The following XYLT1 variants were observed in gnomAD, a reference collection of about 807,000 sequenced individuals.
XYLT1 encodes the protein xylosyltransferase 1.
Under a neutral mutation model 91.3 loss-of-function variants are expected in XYLT1, and 36 were observed. That is an observed-to-expected ratio of 0.39 (90% CI 0.30 to 0.52). The LOEUF (loss-of-function observed/expected upper bound fraction) is 0.52. Ranked by LOEUF, XYLT1 falls within the 20% of genes least tolerant of loss-of-function variation. The pLI is 0.68. For missense variants in XYLT1, 1,242 were observed against 1,284.5 expected (o/e 0.97, Z 0.51); for synonymous variants, 588 against 532.0 (o/e 1.11, Z -1.45).
intron 1 of XYLT1, among the ~76,000 whole-genome samples, chr16:17,440,928 G>A (rs2036524693): frequency 1.3e-5 from 2 of 152,208 alleles, no homozygotes; most frequent in South Asian, 4.1e-4. Context: ...CTGTGAGCAT[G>A]GTACCGACCC....
At chr16:17,302,229 C>CTACTAA (rs1555495821) in intron 2 of XYLT1, among the ~76,000 whole-genome samples, 1 of 151,430 alleles carries the variant, frequency 6.6e-6, no homozygotes, top group Non-Finnish European at 1.5e-5. Context: ...ACTACTACTA[C>CTACTAA]TAATAATAAT....
intron 1 of XYLT1, among the ~76,000 whole-genome samples, chr16:17,466,713 T>C (rs776670126): frequency 3.3e-5 from 5 of 152,264 alleles, no homozygotes; most frequent in Non-Finnish European, 7.3e-5. Context: ...AGAATTCATA[T>C]TACAAACATA....
intron 1 of XYLT1, among the ~76,000 whole-genome samples, chr16:17,458,726 G>A (rs1308939920): frequency 6.6e-6 from 1 of 152,118 alleles, no homozygotes; most frequent in East Asian, 1.9e-4. Context: ...TTGAAATCCA[G>A]TTAGAGTTTG....
Position 17,108,808 on chromosome 16 carries a change from C to A in XYLT1, c.2767G>T (p.Gly923Cys), listed in dbSNP as rs775307513. The A allele has an allele frequency of 6.2e-7, 1 of 1,612,228 alleles. No homozygotes were observed. ...TGCATGACCGGGCAGGCTGTGGGGCCCGTGGCACAGATGTCCATGGCAGTC... is the reference window on the plus strand; with the variant it reads ...TGCATGACCGGGCAGGCTGTGGGGCACGTGGCACAGATGTCCATGGCAGTC... ...MWTAMDICATGPTACPVMQTC... is the reference protein window; with the variant it reads ...MWTAMDICATCPTACPVMQTC... The change falls in exon 12 of 12, where the codon GGC (glycine) becomes TGC (cysteine). Residue 923 changes from glycine (G) to cysteine (C), a missense_variant. By Grantham distance (159) the Gly-to-Cys change is radical. This residue lies in a region of XYLT1 where 511 missense variants were observed against 497.0 expected (regional missense o/e 1.03). Coordinates refer to ENST00000261381, the MANE Select transcript of XYLT1 (RefSeq NM_022166.4).
At chr16:17,241,185 C>G (rs749238042) in intron 3 of XYLT1, among the ~76,000 whole-genome samples, 1 of 152,220 alleles carries the variant, frequency 6.6e-6, no homozygotes, top group Non-Finnish European at 1.5e-5. Context: ...CCCCATAGAG[C>G]CTTTTAAATT....
At chr16:17,182,343 G>C (rs1255700561) in intron 5 of XYLT1, among the ~76,000 whole-genome samples, 1 of 152,158 alleles carries the variant, frequency 6.6e-6, no homozygotes, top group Non-Finnish European at 1.5e-5. Context: ...CTTGCAGAAG[G>C]CCACCTTCTT....
chr16:17,256,381 G>A (rs765843090), intron 3 of XYLT1, among the ~76,000 whole-genome samples: 28 of 151,960 alleles, frequency 1.8e-4, no homozygotes, highest in Admixed American at 9.8e-4. Flanking sequence ...CACCAGGCGC[G>A]GTGGCTCACC....
At chr16:17,328,445 A>T (rs1470986388) in intron 2 of XYLT1, among the ~76,000 whole-genome samples, 2 of 147,532 alleles carry the variant, frequency 1.4e-5, no homozygotes, top group Non-Finnish European at 3.0e-5. Flanking sequence ...GATACTCGGG[A>T]GGCTGAGGCA....
At chr16:17,141,513 C>A in intron 6 of XYLT1, 144 bp from the exon 7 acceptor site, 2 of 782,502 alleles carry the variant, frequency 2.6e-6, no homozygotes, top group South Asian at 3.6e-5. Context: ...CAGGGCTCTG[C>A]GTGGAGTTTA....
chr16:17,385,044 T>C (rs1195452535), intron 1 of XYLT1, among the ~76,000 whole-genome samples: 1 of 151,732 alleles, frequency 6.6e-6, no homozygotes, highest in South Asian at 2.1e-4. Context: ...TGCAGAGTCC[T>C]TGAAGGAGGT....
intron 2 of XYLT1, among the ~76,000 whole-genome samples, chr16:17,322,917 G>T (rs2034745758): frequency 6.6e-6 from 1 of 152,228 alleles, no homozygotes; most frequent in Non-Finnish European, 1.5e-5. Flanking sequence ...TTGGCACAAA[G>T]GGGGTGCTTG....
intron 1 of XYLT1, among the ~76,000 whole-genome samples, chr16:17,400,050 G>A (rs1294107093): frequency 6.6e-6 from 1 of 152,196 alleles, no homozygotes; most frequent in Non-Finnish European, 1.5e-5. Flanking sequence ...GCCCTCACCA[G>A]GCTTCTCATT....
chr16:17,184,315 A>C (rs7202043), intron 5 of XYLT1, among the ~76,000 whole-genome samples: 1 of 151,422 alleles, frequency 6.6e-6, no homozygotes, highest in Non-Finnish European at 1.5e-5. Flanking sequence ...GAATTGTGAG[A>C]TCTGGAGAGG....
At chr16:17,324,508 G>A (rs2034770534) in intron 2 of XYLT1, among the ~76,000 whole-genome samples, 1 of 152,174 alleles carries the variant, frequency 6.6e-6, no homozygotes. Context: ...AAAAAAAGAA[G>A]CATTAAAAAT....
chr16:17,155,007 G>A (rs16968516), intron 6 of XYLT1, among the ~76,000 whole-genome samples: 36,296 of 152,176 alleles, frequency 0.24, 5,332 homozygotes, highest in East Asian at 0.62. Context: ...GAATGGGAAG[G>A]GAATTTGGAG....
chr16:17,177,031 T>C (rs1310386640), intron 5 of XYLT1, among the ~76,000 whole-genome samples: 1 of 152,190 alleles, frequency 6.6e-6, no homozygotes. Context: ...CCTCATTCTA[T>C]TGGCTTATCC....
At chr16:17,283,045 T>C (rs1005395340) in intron 2 of XYLT1, among the ~76,000 whole-genome samples, 3 of 151,808 alleles carry the variant, frequency 2.0e-5, no homozygotes, top group African/African-American at 7.3e-5. Flanking sequence ...ACATATTGCA[T>C]GCATAGACCC....
chr16:17,466,344 A>G (rs2036896316), intron 1 of XYLT1, among the ~76,000 whole-genome samples: 1 of 152,138 alleles, frequency 6.6e-6, no homozygotes, highest in Non-Finnish European at 1.5e-5. Flanking sequence ...TGGATTTATG[A>G]CCTTATGGAT....
intron 3 of XYLT1, among the ~76,000 whole-genome samples, chr16:17,241,675 G>T (rs572681031): frequency 2.2e-4 from 34 of 152,340 alleles, no homozygotes; most frequent in Non-Finnish European, 1.6e-4. Context: ...GCACCCCTGG[G>T]AACTTGCTGC....
Sources: allele counts gnomAD v4.1 joint callset (sites outside exome capture counted in the v4.1 genomes callset), GRCh38; gene constraint gnomAD v4.1.1; regional missense constraint gnomAD v4.1.1; transcripts MANE v1.5; gene names NCBI Gene and HGNC (gene_info 2026-07-23, HGNC 2026-07-21).